The following FHIT variants were observed in gnomAD, a reference collection of about 807,000 sequenced individuals.
The protein encoded by FHIT is bis(5'-adenosyl)-triphosphatase.
A neutral mutation model predicts 17.9 loss-of-function variants in FHIT; 19 were observed. That is an observed-to-expected ratio of 1.06 (90% CI 0.74 to 1.56). FHIT has a LOEUF of 1.56. Ranked by LOEUF, FHIT falls within the 40% of genes most tolerant of loss-of-function variation. The pLI is 0.00. For synonymous variants in FHIT, 81 were observed against 69.7 expected, an observed-to-expected ratio of 1.16 and a Z score of -0.81; for missense variants, 248 against 189.2, an observed-to-expected ratio of 1.31 and a Z score of -1.82.
At chr3:59,758,427 A>AGGCTTTAACCTATTCCCT (rs1214910944) in intron 8 of FHIT, among the ~76,000 whole-genome samples, 3 of 152,210 alleles carry the variant, frequency 2.0e-5, no homozygotes, top group African/African-American at 7.2e-5. Flanking sequence ...AAGATGGAAT[A>AGGCTTTAACCTATTCCCT]GGCACGCACA....
chr3:60,568,856 C>T (rs531849153), intron 4 of FHIT, among the ~76,000 whole-genome samples: 6 of 152,170 alleles, frequency 3.9e-5, no homozygotes, highest in Admixed American at 2.6e-4. Flanking sequence ...CAGCAGTGAT[C>T]ATCTTTACTT....
At chr3:60,083,738 C>G (rs1315834893) in intron 5 of FHIT, among the ~76,000 whole-genome samples, 1 of 152,186 alleles carries the variant, frequency 6.6e-6, no homozygotes, top group Non-Finnish European at 1.5e-5. Flanking sequence ...GCCATTACAG[C>G]ATTAAAGCAG....
intron 1 of FHIT, among the ~76,000 whole-genome samples, chr3:61,238,791 G>T (rs2040294790): frequency 6.6e-6 from 1 of 152,162 alleles, no homozygotes; most frequent in South Asian, 2.1e-4. Context: ...CCAATTAAAA[G>T]ATCCCAAACT....
chr3:60,913,579 G>A (rs1201807965), intron 3 of FHIT, among the ~76,000 whole-genome samples: 1 of 152,188 alleles, frequency 6.6e-6, no homozygotes, highest in Non-Finnish European at 1.5e-5. Flanking sequence ...GTGTTTCTGT[G>A]ATCTTTACAA....
intron 3 of FHIT, among the ~76,000 whole-genome samples, chr3:60,857,705 G>C (rs1553750328): frequency 6.6e-6 from 1 of 152,158 alleles, no homozygotes; most frequent in African/African-American, 2.4e-5. Flanking sequence ...AAAGTGGGAG[G>C]ATCACTTCAG....
At chr3:60,200,708 GT>G (rs1702862485) in intron 5 of FHIT, among the ~76,000 whole-genome samples, 1 of 151,576 alleles carries the variant, frequency 6.6e-6, no homozygotes, top group Non-Finnish European at 1.5e-5. Context: ...TTTTAATTAG[GT>G]TCCAAAAATG....
intron 5 of FHIT, among the ~76,000 whole-genome samples, chr3:60,299,085 A>T (rs1708337607): frequency 6.6e-6 from 1 of 152,092 alleles, no homozygotes; most frequent in Non-Finnish European, 1.5e-5. Context: ...TGTAAATGAA[A>T]CCTCAACAGC....
chr3:60,467,498 T>C (rs186268042), intron 5 of FHIT, among the ~76,000 whole-genome samples: 62 of 152,114 alleles, frequency 4.1e-4, no homozygotes, highest in African/African-American at 1.4e-3. Context: ...TCACCATATC[T>C]CATAGGTTTT....
rs199947445 is a variant in FHIT, at chr3:59,922,321, A to G, written c.348+25T>C. ...CACCGACAGTCCCCGTGATCAAACA[A>G]TAAGATCAGAGAGAACAGACCCACC... is the stretch of plus-strand genomic sequence containing the variant. On this transcript the variant is annotated intron_variant, in intron 8 of 9. Coordinates refer to ENST00000492590, the MANE Select transcript of FHIT (RefSeq NM_002012.4). The G allele has an allele frequency of 5.7e-6, 9 of 1,585,934 alleles. No individual in the cohort carries two copies. In the Admixed American group the frequency reaches 1.0e-4, roughly 18 times the overall value.
At chr3:61,195,445 G>C (rs116675707) in intron 2 of FHIT, among the ~76,000 whole-genome samples, 1,834 of 152,256 alleles carry the variant, frequency 0.012, 43 homozygotes, top group African/African-American at 0.042. Flanking sequence ...TGGTGGTGAT[G>C]ATGATGAAGA....
chr3:59,776,234 C>T (rs559395143), intron 8 of FHIT, among the ~76,000 whole-genome samples: 12 of 152,332 alleles, frequency 7.9e-5, no homozygotes, highest in Admixed American at 4.6e-4. Context: ...TTTTCTGCTC[C>T]GGGGTTCTAC....
chr3:60,570,066 C>G (rs376582863), intron 4 of FHIT, among the ~76,000 whole-genome samples: 4 of 152,034 alleles, frequency 2.6e-5, no homozygotes, highest in African/African-American at 9.7e-5. Context: ...TGCCACAAAT[C>G]AATTATATCA....
At chr3:61,176,565 T>C (rs1204554451) in intron 2 of FHIT, among the ~76,000 whole-genome samples, 1 of 152,238 alleles carries the variant, frequency 6.6e-6, no homozygotes, top group Non-Finnish European at 1.5e-5. Flanking sequence ...TATAAAGCTT[T>C]TTTTATTCTC....
At chr3:60,571,492 G>A (rs192558127) in intron 4 of FHIT, among the ~76,000 whole-genome samples, 175 of 152,112 alleles carry the variant, frequency 1.2e-3, no homozygotes, top group Non-Finnish European at 1.7e-3. Context: ...TTAGGCTTCT[G>A]AGGAGAATTT....
intron 5 of FHIT, among the ~76,000 whole-genome samples, chr3:60,049,307 T>C (rs920741720): frequency 6.6e-6 from 1 of 152,208 alleles, no homozygotes; most frequent in Non-Finnish European, 1.5e-5. Flanking sequence ...TAGTAGCCAC[T>C]AGCCACATGC....
chr3:60,771,924 C>CA (rs1307043189), intron 4 of FHIT, among the ~76,000 whole-genome samples: 1 of 152,166 alleles, frequency 6.6e-6, no homozygotes, highest in Admixed American at 6.6e-5. Flanking sequence ...CTGAAAATCT[C>CA]AGACACAATT....
intron 3 of FHIT, among the ~76,000 whole-genome samples, chr3:60,968,233 A>C (rs1575771108): frequency 6.6e-6 from 1 of 152,236 alleles, no homozygotes; most frequent in African/African-American, 2.4e-5. Flanking sequence ...GGTTATCCAC[A>C]CTAGAATGCA....
intron 5 of FHIT, among the ~76,000 whole-genome samples, chr3:60,047,636 C>G (rs1701706534): frequency 6.6e-6 from 1 of 152,216 alleles, no homozygotes; most frequent in Admixed American, 6.5e-5. Context: ...CTATGACAAC[C>G]AGAATGCAAC....
chr3:60,659,187 G>A (rs1373984233), intron 4 of FHIT, among the ~76,000 whole-genome samples: 2 of 151,842 alleles, frequency 1.3e-5, no homozygotes, highest in African/African-American at 4.8e-5. Flanking sequence ...CTTCTCTCAT[G>A]TTGTTTTCAA....
Sources: allele counts gnomAD v4.1 joint callset (sites outside exome capture counted in the v4.1 genomes callset), GRCh38; gene constraint gnomAD v4.1.1; transcripts MANE v1.5; gene names NCBI Gene and HGNC (gene_info 2026-07-23, HGNC 2026-07-21).